Variants in LRBA observed in about 807,000 individuals in gnomAD.
The protein encoded by LRBA is LPS responsive beige-like anchor protein.
Under a neutral mutation model 330.0 loss-of-function variants are expected in LRBA, and 176 were observed. The ratio of observed to expected loss-of-function variants is 0.53; its 90% CI spans 0.47 to 0.60. The LOEUF (loss-of-function observed/expected upper bound fraction) is 0.60, where lower values mean the gene tolerates loss of function less well. Ranked by LOEUF, LRBA falls within the 20% of genes least tolerant of loss-of-function variation. LRBA has a pLI of 0.00. For synonymous variants in LRBA, 1,230 were observed against 1,193.0 expected, an observed-to-expected ratio of 1.03 and a Z score of -0.64; for missense variants, 3,259 against 3,444.8, an observed-to-expected ratio of 0.95 and a Z score of 1.35.
At chr4:150,426,110 T>C (rs1749564292) in intron 46 of LRBA, among the ~76,000 whole-genome samples, 1 of 152,034 alleles carries the variant, frequency 6.6e-6, no homozygotes, top group African/African-American at 2.4e-5. Flanking sequence ...TCACTAGAGA[T>C]CAAGAACATT....
intron 2 of LRBA, among the ~76,000 whole-genome samples, chr4:150,954,144 G>A (rs1344640100): frequency 1.3e-5 from 2 of 150,934 alleles, no homozygotes; most frequent in East Asian, 4.0e-4. Context: ...CCGTCGGGGA[G>A]GTGGGGGGCA....
intron 44 of LRBA, among the ~76,000 whole-genome samples, chr4:150,451,599 G>C (rs1753352239): frequency 6.6e-6 from 1 of 151,818 alleles, no homozygotes. Flanking sequence ...ATATTAAAAA[G>C]AAAAAAGTTC....
intron 22 of LRBA, among the ~76,000 whole-genome samples, chr4:150,854,559 A>C (rs1327710706): frequency 6.6e-6 from 1 of 152,212 alleles, no homozygotes; most frequent in East Asian, 1.9e-4. Flanking sequence ...TATGTAAGAT[A>C]ATGTCAAATA....
intron 36 of LRBA, among the ~76,000 whole-genome samples, chr4:150,693,051 C>A (rs984046565): frequency 6.6e-6 from 1 of 151,990 alleles, no homozygotes; most frequent in African/African-American, 2.4e-5. Context: ...TAATGGTCTA[C>A]ATATTCGGAA....
chr4:150,953,598 G>A (rs539992318), intron 2 of LRBA, among the ~76,000 whole-genome samples: 17 of 152,110 alleles, frequency 1.1e-4, no homozygotes, highest in South Asian at 6.2e-4. Flanking sequence ...CTCCTACCGC[G>A]AGTGATCTGC....
At chr4:150,707,274 T>TA (rs1785719193) in intron 36 of LRBA, among the ~76,000 whole-genome samples, 2 of 151,730 alleles carry the variant, frequency 1.3e-5, no homozygotes, top group Non-Finnish European at 3.0e-5. Flanking sequence ...TGAAAAATTT[T>TA]AAATACTTAA....
intron 4 of LRBA, among the ~76,000 whole-genome samples, chr4:150,921,545 T>C (rs1452833251): frequency 2.6e-5 from 4 of 152,132 alleles, no homozygotes; most frequent in Non-Finnish European, 1.5e-5. Flanking sequence ...GAAACTCTTC[T>C]CCAAGCTGCA....
At chr4:150,839,340 G>A (rs1425406001) in intron 28 of LRBA, among the ~76,000 whole-genome samples, 3 of 152,128 alleles carry the variant, frequency 2.0e-5, no homozygotes, top group Admixed American at 6.5e-5. Flanking sequence ...GATTCCTCAG[G>A]GATCTAGAAC....
At chr4:150,877,929 C>T (rs567931604) in intron 17 of LRBA, among the ~76,000 whole-genome samples, 2 of 152,282 alleles carry the variant, frequency 1.3e-5, no homozygotes, top group African/African-American at 4.8e-5. Flanking sequence ...TCCTGAATGA[C>T]TTTTGGGTAA....
intron 40 of LRBA, among the ~76,000 whole-genome samples, chr4:150,544,799 T>C (rs562513195): frequency 3.3e-5 from 5 of 152,224 alleles, no homozygotes; most frequent in Admixed American, 2.0e-4. Flanking sequence ...GCAGGGCTCA[T>C]ATGCATTGCA....
intron 47 of LRBA, among the ~76,000 whole-genome samples, chr4:150,396,352 G>T (rs1039233768): frequency 2.6e-5 from 4 of 151,986 alleles, no homozygotes; most frequent in African/African-American, 9.7e-5. Flanking sequence ...GGTTCCCCTG[G>T]TTCTTAAGAC....
chr4:150,350,134 C>T lies in LRBA; in HGVS notation c.7220G>A (p.Cys2407Tyr). The T allele has an allele frequency of 1.9e-6, 3 of 1,589,978 alleles. No individual in the cohort carries two copies. Among genetic ancestry groups the T allele is most frequent in the Non-Finnish European group, 2.6e-6 (3 of 1,170,978 alleles). The change falls in exon 48 of 57, where the codon TGC becomes TAC. Residue 2407 changes from cysteine (C) to tyrosine (Y), a missense_variant. Coordinates refer to ENST00000651943, the MANE Select transcript of LRBA (RefSeq NM_001364905.1). Reference protein sequence around the residue: ...RLALESEFVSCQLHQWIDLIF... With the variant: ...RLALESEFVSYQLHQWIDLIF... ...GAGATCAATCCATTGGTGAAGCTGG[C>T]AGGAAACAAATTCACTCTCCAGGGC...
intron 47 of LRBA, among the ~76,000 whole-genome samples, chr4:150,414,640 G>A (rs1489180408): frequency 2.6e-5 from 4 of 152,054 alleles, no homozygotes; most frequent in Non-Finnish European, 5.9e-5. Flanking sequence ...ACAGGCGCCT[G>A]CCACCACATC....
intron 40 of LRBA, among the ~76,000 whole-genome samples, chr4:150,540,299 A>C (rs1765175598): frequency 6.6e-6 from 1 of 152,160 alleles, no homozygotes; most frequent in Non-Finnish European, 1.5e-5. Flanking sequence ...GGCTCACTGC[A>C]GCCTCCTAGG....
chr4:150,479,194 G>A (rs1561234288), intron 42 of LRBA, among the ~76,000 whole-genome samples: 1 of 151,888 alleles, frequency 6.6e-6, no homozygotes, highest in African/African-American at 2.4e-5. Flanking sequence ...TGAGTGATTC[G>A]CTTGAGCCCA....
In LRBA at chr4:150,998,080, G is replaced by A. The variant is rs557151501; in HGVS notation, c.216+16347C>T. 1.3e-4 allele frequency among the ~76,000 whole-genome samples: 20 copies of A among 151,468 alleles called. No homozygotes were observed. The South Asian group carries it at 1.5e-3, about 11-fold the overall frequency. On this transcript the variant is annotated intron_variant, in intron 2 of 56. Coordinates refer to ENST00000651943, the MANE Select transcript of LRBA (RefSeq NM_001364905.1). ...AAGAGATAGGGTCTCGGCCGGGCAC[G>A]GTGGCTCATACCTGTAATCCCAGCA...
At chr4:150,443,914 T>C (rs13126352) in intron 44 of LRBA, among the ~76,000 whole-genome samples, 65,637 of 138,972 alleles carry the variant, frequency 0.47, 15,789 homozygotes, top group East Asian at 0.55. Context: ...CCAACCAAAC[T>C]GACTAGCAAA....
In LRBA at chr4:150,871,657, G is replaced by A. The variant is rs547708893; in HGVS notation, c.2259-204C>T. Among the ~76,000 whole-genome samples, 20 of 151,014 alleles carry A rather than the reference G, an allele frequency of 1.3e-4. 1 individual carries two copies. In the South Asian group the frequency reaches 2.9e-3, roughly 22 times the overall value. On this transcript the variant is annotated intron_variant, in intron 18 of 56. Coordinates refer to ENST00000651943, the MANE Select transcript of LRBA (RefSeq NM_001364905.1). ...AAATGCTAACTATATAAGCATAGCC[G>A]AAGTTAAAAATTAAAAAAAAAAAAG...
chr4:150,792,615 C>A (rs1210284140), intron 34 of LRBA, among the ~76,000 whole-genome samples: 2 of 152,240 alleles, frequency 1.3e-5, no homozygotes, highest in East Asian at 1.9e-4. Flanking sequence ...CTCAAGCGAT[C>A]CTGCTGCAGC....
Sources: gnomAD v4.1 joint callset for allele counts (sites outside exome capture counted in the v4.1 genomes callset) on GRCh38, gnomAD v4.1.1 for gene constraint, MANE v1.5 for transcripts, NCBI Gene and HGNC (gene_info 2026-07-23, HGNC 2026-07-21) for gene names.